Variants in NCK1 observed in about 807,000 individuals in gnomAD.
NCK1 encodes the protein NCK adaptor protein 1.
Under a neutral mutation model 36.6 loss-of-function variants are expected in NCK1, and 19 were observed. That is an observed-to-expected ratio of 0.52 (90% CI 0.36 to 0.76). The LOEUF (loss-of-function observed/expected upper bound fraction) is 0.76, where lower values mean the gene tolerates loss of function less well. Among genes scored for constraint, NCK1 ranks in the 30% least tolerant of loss-of-function variants. The pLI, the probability that NCK1 is intolerant of heterozygous loss-of-function variation, is 0.00. For missense variants in NCK1, 358 were observed against 445.6 expected (o/e 0.80, Z 1.77); for synonymous variants, 165 against 156.0 (o/e 1.06, Z -0.43).
chr3:136,897,805 T>C (rs1486326519), intron 1 of NCK1, among the ~76,000 whole-genome samples: 1 of 152,214 alleles, frequency 6.6e-6, no homozygotes, highest in Non-Finnish European at 1.5e-5. Flanking sequence ...TAATGGTTAA[T>C]ATGATTTGAA....
intron 1 of NCK1, among the ~76,000 whole-genome samples, chr3:136,907,161 T>C (rs1001714277): frequency 6.6e-6 from 1 of 152,306 alleles, no homozygotes; most frequent in East Asian, 1.9e-4. Context: ...CAGCAGCTAT[T>C]GCAGGCAGTG....
At chr3:136,891,973 C>CATCCTCCTGGGCTCAAGGG (rs1311266985) in intron 1 of NCK1, among the ~76,000 whole-genome samples, 55 of 152,172 alleles carry the variant, frequency 3.6e-4, no homozygotes, top group African/African-American at 1.3e-3. Context: ...ATTGCAATCT[C>CATCCTCCTGGGCTCAAGGG]ATCCTCCTGG....
chr3:136,892,689 C>T (rs1939280369), intron 1 of NCK1, among the ~76,000 whole-genome samples: 1 of 151,780 alleles, frequency 6.6e-6, no homozygotes, highest in Non-Finnish European at 1.5e-5. Flanking sequence ...ACTTAATGAC[C>T]TCTAGAACTG....
At chr3:136,890,791 A>G (rs1939222441) in intron 1 of NCK1, among the ~76,000 whole-genome samples, 1 of 152,206 alleles carries the variant, frequency 6.6e-6, no homozygotes, top group Admixed American at 6.5e-5. Context: ...TGATAAGTAT[A>G]TTCACATTGT....
At chr3:136,932,838 A>G (rs1385624263) in intron 2 of NCK1, among the ~76,000 whole-genome samples, 1 of 152,246 alleles carries the variant, frequency 6.6e-6, no homozygotes, top group African/African-American at 2.4e-5. Flanking sequence ...ACAGAATTGT[A>G]GTTGACTAAG....
intron 1 of NCK1, among the ~76,000 whole-genome samples, chr3:136,864,415 C>T (rs928601124): frequency 1.3e-5 from 2 of 151,894 alleles, no homozygotes; most frequent in Non-Finnish European, 2.9e-5. Context: ...TGCATGAACC[C>T]GGGAGTCGGA....
chr3:136,881,779 CAT>C (rs1359706735), intron 1 of NCK1, among the ~76,000 whole-genome samples: 1 of 152,170 alleles, frequency 6.6e-6, no homozygotes, highest in African/African-American at 2.4e-5. Context: ...TAAATGGAAT[CAT>C]ATTGTCTTTC....
At chr3:136,866,290 A>G (rs900067615) in intron 1 of NCK1, among the ~76,000 whole-genome samples, 1 of 150,010 alleles carries the variant, frequency 6.7e-6, no homozygotes, top group African/African-American at 2.5e-5. Context: ...CCTTCGTATC[A>G]TTCCTTTTTC....
intron 1 of NCK1, chr3:136,900,207 G>A (rs1576963240): frequency 4.4e-6 from 1 of 228,182 alleles, no homozygotes; most frequent in East Asian, 1.3e-4. Context: ...CTGTGCAGAA[G>A]CCTTTTTTGT....
intron 1 of NCK1, among the ~76,000 whole-genome samples, chr3:136,893,059 CTTCAG>C (rs1939290526): frequency 1.3e-5 from 2 of 149,116 alleles, no homozygotes; most frequent in Non-Finnish European, 3.0e-5. Context: ...TCCTGAGTTA[CTTCAG>C]TTAGAATAAT....
chr3:136,944,695 G>C (rs969678631), intron 2 of NCK1, among the ~76,000 whole-genome samples: 2 of 152,178 alleles, frequency 1.3e-5, no homozygotes, highest in South Asian at 2.1e-4. Flanking sequence ...AGTGAAGAAC[G>C]AGAGTGAGGA....
chr3:136,900,251 A>C (rs1939508611), intron 1 of NCK1, among the ~76,000 whole-genome samples: 1 of 152,132 alleles, frequency 6.6e-6, no homozygotes, highest in Admixed American at 6.6e-5. Flanking sequence ...AGTTGGCTTT[A>C]AATATGTGGA....
chr3:136,948,469 G>A lies in NCK1; in HGVS notation c.*16G>A. 1 of 1,601,488 alleles carries A rather than the reference G, an allele frequency of 6.2e-7. No individual in the cohort carries two copies. Among genetic ancestry groups the A allele is most frequent in the Non-Finnish European group, 8.5e-7 (1 of 1,171,152 alleles). On this transcript the variant is annotated 3_prime_UTR_variant, in exon 4 of 4. Coordinates refer to ENST00000481752, the MANE Select transcript of NCK1 (RefSeq NM_001291999.2). The stretch of plus-strand genomic sequence containing the variant: ...TTTATCATGATACTGCTGACCAGAA[G>A]TGACTGCTGTGTAGCTGTAATTTGT...
chr3:136,909,432 C>A (rs1939777463), intron 1 of NCK1, among the ~76,000 whole-genome samples: 1 of 152,130 alleles, frequency 6.6e-6, no homozygotes, highest in Non-Finnish European at 1.5e-5. Flanking sequence ...GTTGAGGTGC[C>A]AGGGATACAA....
At chr3:136,926,367 C>T (rs572591268) in intron 1 of NCK1, among the ~76,000 whole-genome samples, 4 of 152,094 alleles carry the variant, frequency 2.6e-5, no homozygotes, top group African/African-American at 4.8e-5. Flanking sequence ...CCCCGCCTCC[C>T]GGGTTCAAGC....
At chr3:136,864,214 C>T (rs182454148) in intron 1 of NCK1, among the ~76,000 whole-genome samples, 1 of 152,022 alleles carries the variant, frequency 6.6e-6, no homozygotes, top group Non-Finnish European at 1.5e-5. Context: ...TAATGTTGGC[C>T]GGGCTCGGTG....
intron 1 of NCK1, among the ~76,000 whole-genome samples, chr3:136,879,699 T>C (rs1938875212): frequency 6.6e-6 from 1 of 152,118 alleles, no homozygotes; most frequent in African/African-American, 2.4e-5. Context: ...AATGAGTTCA[T>C]GTCCTTTGCA....
intron 2 of NCK1, among the ~76,000 whole-genome samples, chr3:136,943,461 A>G (rs1463712364): frequency 6.6e-6 from 1 of 152,238 alleles, no homozygotes; most frequent in Non-Finnish European, 1.5e-5. Context: ...CCTGAATTCC[A>G]GAAAGGTCTT....
intron 1 of NCK1, among the ~76,000 whole-genome samples, chr3:136,885,856 G>A (rs1310592982): frequency 2.0e-5 from 3 of 152,128 alleles, no homozygotes; most frequent in Admixed American, 6.6e-5. Flanking sequence ...TAAGAGATAT[G>A]TTCTTTTTAG....
Sources: allele counts gnomAD v4.1 joint callset (sites outside exome capture counted in the v4.1 genomes callset), GRCh38; gene constraint gnomAD v4.1.1; transcripts MANE v1.5; gene names NCBI Gene and HGNC (gene_info 2026-07-23, HGNC 2026-07-21).